The following FGF14 variants were observed in gnomAD, a reference collection of about 807,000 sequenced individuals.
The protein encoded by FGF14 is fibroblast growth factor homologous factor 4.
Under a neutral mutation model 25.5 loss-of-function variants are expected in FGF14, and 5 were observed. That is an observed-to-expected ratio of 0.20 (90% CI 0.10 to 0.41). The LOEUF is 0.41. Among genes scored for constraint, FGF14 ranks in the 10% least tolerant of loss-of-function variants. FGF14 has a pLI of 1.00. For synonymous variants in FGF14, 138 were observed against 118.3 expected, an observed-to-expected ratio of 1.17 and a Z score of -1.08; for missense variants, 222 against 320.1, an observed-to-expected ratio of 0.69 and a Z score of 2.34.
chr13:102,397,108 C>A (rs557782428), intron 1 of FGF14, among the ~76,000 whole-genome samples: 1 of 152,236 alleles, frequency 6.6e-6, no homozygotes, highest in East Asian at 1.9e-4. Flanking sequence ...TCTACTGGAA[C>A]CTAGGATGAG....
chr13:102,240,740 CA>C (rs1320459740), intron 1 of FGF14, among the ~76,000 whole-genome samples: 4 of 152,058 alleles, frequency 2.6e-5, no homozygotes, highest in Non-Finnish European at 4.4e-5. Context: ...TTTTTTAAAA[CA>C]TTTTTTTGAA....
At chr13:101,826,463 T>C (rs778411482) in intron 3 of FGF14, among the ~76,000 whole-genome samples, 5 of 152,102 alleles carry the variant, frequency 3.3e-5, no homozygotes, top group Admixed American at 6.5e-5. Flanking sequence ...TCAAATTGTA[T>C]TGGTCAATTA....
intron 1 of FGF14, among the ~76,000 whole-genome samples, chr13:102,083,765 C>G (rs1357654486): frequency 6.6e-6 from 1 of 152,208 alleles, no homozygotes; most frequent in East Asian, 1.9e-4. Context: ...CTTTCTTGTG[C>G]TCTCTTGAAA....
intron 1 of FGF14, among the ~76,000 whole-genome samples, chr13:102,069,116 G>A (rs1281765815): frequency 1.3e-5 from 2 of 151,882 alleles, no homozygotes; most frequent in African/African-American, 2.4e-5. Flanking sequence ...ACACCAATCG[G>A]CACTTTGTAT....
intron 1 of FGF14, among the ~76,000 whole-genome samples, chr13:102,245,268 G>A (rs1157669771): frequency 6.6e-6 from 1 of 152,118 alleles, no homozygotes; most frequent in Non-Finnish European, 1.5e-5. Context: ...GTAGTTGTGT[G>A]TCTCCCTATG....
chr13:102,276,191 T>G (rs1333343249), intron 1 of FGF14, among the ~76,000 whole-genome samples: 1 of 151,026 alleles, frequency 6.6e-6, no homozygotes, highest in Non-Finnish European at 1.5e-5. Flanking sequence ...ATAATGTAAG[T>G]GAAAACCATT....
chr13:101,727,252 C>CT (rs1342758989), intron 3 of FGF14, among the ~76,000 whole-genome samples: 1 of 152,082 alleles, frequency 6.6e-6, no homozygotes, highest in Admixed American at 6.6e-5. Context: ...CCTTGGATCA[C>CT]TGAAATCACA....
intron 1 of FGF14, among the ~76,000 whole-genome samples, chr13:101,936,841 T>G (rs1008740675): frequency 1.3e-5 from 2 of 152,236 alleles, no homozygotes; most frequent in Non-Finnish European, 2.9e-5. Flanking sequence ...TTCAGTCAAT[T>G]GCTACAAAGC....
At chr13:102,133,198 A>G (rs2046272907) in intron 1 of FGF14, among the ~76,000 whole-genome samples, 1 of 152,238 alleles carries the variant, frequency 6.6e-6, no homozygotes, top group Non-Finnish European at 1.5e-5. Context: ...TTATAATTCT[A>G]GGTCTGCACT....
chr13:102,066,485 A>T (rs995529044), intron 1 of FGF14, among the ~76,000 whole-genome samples: 1 of 152,184 alleles, frequency 6.6e-6, no homozygotes, highest in Admixed American at 6.5e-5. Context: ...AAGGACATTG[A>T]CAAGCATGGA....
intron 1 of FGF14, among the ~76,000 whole-genome samples, chr13:101,998,339 T>C (rs1349221625): frequency 6.6e-6 from 1 of 152,118 alleles, no homozygotes; most frequent in Non-Finnish European, 1.5e-5. Context: ...TGGGCCCTTT[T>C]TTGATGTATG....
At chr13:101,981,129 A>ACACACACACACACACAC (rs58852039) in intron 1 of FGF14, among the ~76,000 whole-genome samples, 1 of 147,126 alleles carries the variant, frequency 6.8e-6, no homozygotes, top group East Asian at 2.0e-4. Flanking sequence ...ACACACACAC[A>ACACACACACACACACAC]ATTAGCCAGG....
At chr13:102,388,193 CAA>C (rs2058350316) in intron 1 of FGF14, among the ~76,000 whole-genome samples, 1 of 152,174 alleles carries the variant, frequency 6.6e-6, no homozygotes, top group African/African-American at 2.4e-5. Context: ...GTCAATACTA[CAA>C]AGTTGTTCAG....
chr13:102,339,009 C>CAAAAAAAA (rs56216247), intron 1 of FGF14, among the ~76,000 whole-genome samples: 1 of 134,148 alleles, frequency 7.5e-6, no homozygotes, highest in Non-Finnish European at 1.6e-5. Flanking sequence ...GACTCTGTCT[C>CAAAAAAAA]AAAAAAAAAA....
At position 102,208,111 on chromosome 13, in the gene FGF14, A is replaced by G. The variant is rs1687121542; in HGVS notation, c.208+193360T>C. ...TGAAAAACATAAGTCACCTCTCTTC[A>G]TTCAACTAAGGCAACACATAGCCAG... On this transcript the variant is annotated intron_variant, in intron 1 of 4. Coordinates refer to the FGF14 transcript ENST00000376131. 3.3e-5 allele frequency among the ~76,000 whole-genome samples: 5 copies of G among 152,234 alleles called. No homozygotes were observed. The South Asian group carries it at 6.2e-4, about 19-fold the overall frequency.
chr13:101,783,619 A>G (rs2039643701), intron 3 of FGF14, among the ~76,000 whole-genome samples: 1 of 151,994 alleles, frequency 6.6e-6, no homozygotes, highest in African/African-American at 2.4e-5. Flanking sequence ...CCCATTGTCT[A>G]GGTTGCCTGT....
At chr13:102,372,612 A>G (rs2057918914) in intron 1 of FGF14, among the ~76,000 whole-genome samples, 1 of 152,088 alleles carries the variant, frequency 6.6e-6, no homozygotes, top group African/African-American at 2.4e-5. Flanking sequence ...AGGACTTCCA[A>G]CAGGAAACTC....
At chr13:102,256,153 G>A (rs1176987566) in intron 1 of FGF14, among the ~76,000 whole-genome samples, 2 of 152,064 alleles carry the variant, frequency 1.3e-5, no homozygotes, top group Non-Finnish European at 2.9e-5. Flanking sequence ...ATGAGTTGAT[G>A]GAAGAGAGGG....
intron 1 of FGF14, among the ~76,000 whole-genome samples, chr13:101,885,176 T>C (rs1229991151): frequency 6.6e-6 from 1 of 152,192 alleles, no homozygotes; most frequent in Non-Finnish European, 1.5e-5. Context: ...AGAGGTAGTT[T>C]GAGCTGGAAG....
Sources: gnomAD v4.1 joint callset for allele counts (sites outside exome capture counted in the v4.1 genomes callset) on GRCh38, gnomAD v4.1.1 for gene constraint, MANE v1.5 for transcripts, NCBI Gene and HGNC (gene_info 2026-07-23, HGNC 2026-07-21) for gene names.